Variants in CATSPERE observed in about 807,000 individuals in gnomAD.
CATSPERE encodes catsper channel auxiliary subunit epsilon, also known as cation channel sperm-associated auxiliary subunit epsilon.
In CATSPERE, 93 loss-of-function variants were observed where a neutral mutation model predicts 114.1. The observed-to-expected ratio is 0.81, with a 90% CI of 0.69 to 0.97. The LOEUF is 0.97. Among genes scored for constraint, CATSPERE ranks in the 50% least tolerant of loss-of-function variants. The pLI is 0.00. For missense variants in CATSPERE, 1,058 were observed against 1,131.6 expected (o/e 0.93, Z 0.93); for synonymous variants, 341 against 384.1 (o/e 0.89, Z 1.31).
In CATSPERE at chr1:244,537,374, A is replaced by G. The variant is rs150839569; in HGVS notation, c.537-14948A>G. On this transcript the variant is annotated intron_variant, in intron 8 of 21. Transcript: ENST00000366534. ...GCCGTGCATACCTGGAGTAAATCTC[A>G]TTTAGTCATGGTGTGCAATTCTTTT... is the stretch of plus-strand genomic sequence containing the variant. 2.0e-4 allele frequency among the ~76,000 whole-genome samples: 30 copies of G among 152,280 alleles called. No homozygotes were observed. The East Asian group carries it at 4.8e-3, about 24-fold the overall frequency.
rs779584268 is a variant in CATSPERE, at chr1:244,461,352, C to T, written c.-78C>T. On this transcript the variant is annotated 5_prime_UTR_variant, in exon 1 of 22. Coordinates refer to ENST00000366534, the MANE Select transcript of CATSPERE (RefSeq NM_001130957.2). ...GACCCAGGCGCCTGCAGCCGCCCGC[C>T]GGGCCGACGTCCCACGGGAATGCGC... The T allele has an allele frequency of 2.5e-5, 31 of 1,237,874 alleles. No individual in the cohort carries two copies. The East Asian group carries it at 9.2e-4, about 37-fold the overall frequency. The allele number at this position is 1,237,874 out of a possible 1,614,324, so 76.7% of individuals were successfully genotyped here. A position where few individuals can be genotyped will look rare whatever the true frequency, so the allele number is the denominator to read the frequency against.
At chr1:244,576,313 T>C (rs1355736178) in intron 11 of CATSPERE, among the ~76,000 whole-genome samples, 4 of 151,872 alleles carry the variant, frequency 2.6e-5, no homozygotes, top group African/African-American at 9.7e-5. Context: ...CAGAGGAAAG[T>C]GTATCCCTGT....
At chr1:244,531,846 A>G (rs1020795576) in intron 8 of CATSPERE, among the ~76,000 whole-genome samples, 4 of 152,328 alleles carry the variant, frequency 2.6e-5, no homozygotes, top group African/African-American at 7.2e-5. Flanking sequence ...GGCCTCATAG[A>G]ATGAGTTTCA....
At chr1:244,455,378 T>C (rs747365347) in intron 1 of CATSPERE, among the ~76,000 whole-genome samples, 3 of 152,184 alleles carry the variant, frequency 2.0e-5, no homozygotes, top group Non-Finnish European at 2.9e-5. Context: ...TTGAGACACC[T>C]GTGTGTCCAT....
chr1:244,593,245 G>A, intron 15 of CATSPERE, 150 bp from the exon 16 acceptor site: 2 of 700,288 alleles, frequency 2.9e-6, no homozygotes, highest in Admixed American at 5.5e-5. Flanking sequence ...GTTAATATGT[G>A]TGGATATACA....
chr1:244,459,991 C>T (rs1666520946), upstream of CATSPERE, among the ~76,000 whole-genome samples: 1 of 152,168 alleles, frequency 6.6e-6, no homozygotes, highest in Non-Finnish European at 1.5e-5. Flanking sequence ...TCTTCATAGC[C>T]TACCCAAAGG....
In CATSPERE at chr1:244,513,929, T is replaced by A. The variant is rs74153704; in HGVS notation, c.430-4663T>A. Among the ~76,000 whole-genome samples the A allele has an allele frequency of 9.3e-3, 1,421 of 152,334 alleles. 17 individuals carry two copies. Among genetic ancestry groups the A allele is most frequent in the African/African-American group, 0.032 (1,320 of 41,568 alleles). On this transcript the variant is annotated intron_variant, in intron 7 of 21. Coordinates refer to ENST00000366534, the MANE Select transcript of CATSPERE (RefSeq NM_001130957.2). ...TCCCTGTGCTCCCAGACTCATTTTT[T>A]AATTAGGTTGTTTGGTGTTATTTTT... is the stretch of plus-strand genomic sequence containing the variant.
intron 5 of CATSPERE, among the ~76,000 whole-genome samples, chr1:244,488,023 A>G (rs1210951532): frequency 1.3e-5 from 2 of 152,134 alleles, no homozygotes; most frequent in African/African-American, 4.8e-5. Flanking sequence ...TTCATGAACA[A>G]TTATCATGTT....
intron 8 of CATSPERE, among the ~76,000 whole-genome samples, chr1:244,544,657 A>G (rs998797892): frequency 5.3e-5 from 8 of 152,256 alleles, no homozygotes; most frequent in African/African-American, 1.9e-4. Context: ...TAGTGCCACC[A>G]TCAAGAAACT....
chr1:244,536,050 G>A (rs1356097911), intron 8 of CATSPERE, among the ~76,000 whole-genome samples: 1 of 151,994 alleles, frequency 6.6e-6, no homozygotes, highest in African/African-American at 2.4e-5. Flanking sequence ...GTCTGGAAAT[G>A]TCGTCTAGGA....
At chr1:244,477,388 T>G (rs1669542715) in intron 2 of CATSPERE, among the ~76,000 whole-genome samples, 153 bp from the exon 3 acceptor site, 1 of 152,234 alleles carries the variant, frequency 6.6e-6, no homozygotes, top group Admixed American at 6.5e-5. Flanking sequence ...TACCTTTTCT[T>G]TGTCACATTA....
intron 8 of CATSPERE, among the ~76,000 whole-genome samples, chr1:244,529,928 C>T (rs3005934): frequency 0.13 from 19,589 of 151,986 alleles, 2,201 homozygotes; most frequent in African/African-American, 0.3. Context: ...CTTCTGCATA[C>T]TGATATATAG....
In CATSPERE at chr1:244,518,590, A is replaced by G; in HGVS notation, c.430-2A>G. On this transcript the variant is annotated splice_acceptor_variant, in intron 7 of 21. Coordinates refer to ENST00000366534, the MANE Select transcript of CATSPERE (RefSeq NM_001130957.2). LOFTEE classifies it high-confidence loss of function. Reference sequence around the variant, plus strand: ...AAAATGAAATTTAATTTGTTTTTACAGAATTCCATAGTACTCAGCACACAG... The same window carrying G: ...AAAATGAAATTTAATTTGTTTTTACGGAATTCCATAGTACTCAGCACACAG... The G allele has an allele frequency of 1.3e-6, 2 of 1,520,460 alleles. No homozygotes were observed. The highest frequency in any genetic ancestry group is 1.8e-6 in the Non-Finnish European group (2 of 1,097,830). 94.2% of individuals were successfully genotyped at this position (1,520,460 alleles called of 1,614,324 possible).
At chr1:244,469,693 C>T (rs1192807557) in intron 2 of CATSPERE, among the ~76,000 whole-genome samples, 1 of 152,098 alleles carries the variant, frequency 6.6e-6, no homozygotes. Flanking sequence ...TATGGCAATT[C>T]ATAGGAAATT....
At chr1:244,602,420 C>G (rs1669380974) in intron 17 of CATSPERE, among the ~76,000 whole-genome samples, 1 of 152,136 alleles carries the variant, frequency 6.6e-6, no homozygotes, top group Non-Finnish European at 1.5e-5. Context: ...CAGGGGTGGC[C>G]ACCGGGAAAT....
intron 2 of CATSPERE, among the ~76,000 whole-genome samples, chr1:244,472,988 A>G (rs1668731267): frequency 6.6e-6 from 1 of 152,148 alleles, no homozygotes; most frequent in Admixed American, 6.6e-5. Flanking sequence ...GTAATACTCT[A>G]TTGTCTGGAT....
intron 21 of CATSPERE, among the ~76,000 whole-genome samples, chr1:244,636,953 C>T (rs1215461622): frequency 6.6e-6 from 1 of 152,134 alleles, no homozygotes; most frequent in Non-Finnish European, 1.5e-5. Flanking sequence ...TGTCTCCATT[C>T]TGCTCTCTCT....
rs777560918 is a variant in CATSPERE at position 244,552,495 on chromosome 1, G to A, written c.710G>A (p.Ser237Asn). 16 of 1,614,070 alleles carry A rather than the reference G, an allele frequency of 9.9e-6. No individual in the cohort carries two copies. Among genetic ancestry groups the A allele is most frequent in the Non-Finnish European group, 1.3e-5 (15 of 1,180,044 alleles). Residue 237 changes from serine to asparagine, a missense_variant, in exon 9 of 22, where the codon AGT becomes AAT. By Grantham distance (46) the Ser-to-Asn change is conservative. Coordinates refer to ENST00000366534, the MANE Select transcript of CATSPERE (RefSeq NM_001130957.2). ...GYLPISSPRG[S>N]QLMASWDACV... ...TTACCAATCTCCTCACCACGTGGTAGTCAATTAATGGCTTCCTGGGATGCT... is the reference window on the plus strand; with the variant it reads ...TTACCAATCTCCTCACCACGTGGTAATCAATTAATGGCTTCCTGGGATGCT...
intron 8 of CATSPERE, among the ~76,000 whole-genome samples, chr1:244,546,793 G>GA (rs34055126): frequency 6.6e-6 from 1 of 151,900 alleles, no homozygotes; most frequent in Admixed American, 6.6e-5. Flanking sequence ...AGTTATGATG[G>GA]AAAAAAAGAA....
Sources: gnomAD v4.1 joint callset for allele counts (sites outside exome capture counted in the v4.1 genomes callset) on GRCh38, gnomAD v4.1.1 for gene constraint, MANE v1.5 for transcripts, NCBI Gene and HGNC (gene_info 2026-07-23, HGNC 2026-07-21) for gene names.